The following KIAA1586 variants were observed in gnomAD, a reference collection of about 807,000 sequenced individuals.
KIAA1586 encodes the protein KIAA1586.
Under a neutral mutation model 6.1 loss-of-function variants are expected in KIAA1586, and 5 were observed. The ratio of observed to expected loss-of-function variants is 0.82; its 90% CI spans 0.43 to 1.73. The LOEUF (loss-of-function observed/expected upper bound fraction) is 1.73, where lower values mean the gene tolerates loss of function less well. Ranked by LOEUF, KIAA1586 falls within the 40% of genes most tolerant of loss-of-function variation. KIAA1586 has a pLI of 0.02. For missense variants in KIAA1586, 899 were observed against 878.2 expected (o/e 1.02, Z -0.30); for synonymous variants, 280 against 301.7 (o/e 0.93, Z 0.75).
At position 57,046,697 on chromosome 6, in the gene KIAA1586, G is replaced by A. The variant is rs2127904488; in HGVS notation, c.-59G>A. ...GTGCAGGGCGGGAAGGGGAGTGGTG[G>A]CGGCTGCGGCAGTAGGGACAGCAGG... On this transcript the variant is annotated 5_prime_UTR_variant, in exon 1 of 4. Coordinates refer to ENST00000370733, the MANE Select transcript of KIAA1586 (RefSeq NM_020931.4). 1.9e-6 allele frequency: 3 copies of A among 1,605,506 alleles called. No individual in the cohort carries two copies. The East Asian group carries it at 6.7e-5, about 36-fold the overall frequency.
chr6:57,053,201 A>T lies in KIAA1586; in HGVS notation c.702A>T (p.Leu234Phe). ...KESTNDSICNLVHKQNNKNID... is the reference protein window; with the variant it reads ...KESTNDSICNFVHKQNNKNID... ...CAACTAATGATTCAATTTGTAATTT[A>T]GTGCATAAACAAAATAATAAAAATA... The change falls in exon 4 of 4, where the codon TTA (leucine) becomes TTT (phenylalanine). Residue 234 changes from leucine (L) to phenylalanine (F), a missense_variant. Coordinates refer to ENST00000370733, the MANE Select transcript of KIAA1586 (RefSeq NM_020931.4). 6.2e-7 allele frequency: 1 copy of T among 1,603,196 alleles called. No individual in the cohort carries two copies. Among genetic ancestry groups the T allele is most frequent in the South Asian group, 1.1e-5 (1 of 89,558 alleles).
rs1235080277 is a variant in KIAA1586 at position 57,053,279 on chromosome 6, C to A, written c.780C>A (p.Asn260Lys). The A allele has an allele frequency of 6.2e-7, 1 of 1,608,664 alleles. No homozygotes were observed. Among genetic ancestry groups the A allele is most frequent in the African/African-American group, 1.3e-5 (1 of 74,420 alleles). Residue 260 changes from asparagine (N) to lysine (K), a missense_variant, in exon 4 of 4, where the codon AAC (asparagine) becomes AAA (lysine). Transcript: ENST00000370733. ...CTGTTTACAGTTTAGTAAAACATAA[C>A]AGACCTTTATCTGATATTGAGGGGG... is the stretch of plus-strand genomic sequence containing the variant. ...FNTVYSLVKHNRPLSDIEGAR... is the reference protein window; with the variant it reads ...FNTVYSLVKHKRPLSDIEGAR...
At chr6:57,065,149 T>TTTTCTTAATTTTAA in the KIAA1586 span, among the ~76,000 whole-genome samples, 1 of 152,234 alleles carries the variant, frequency 6.6e-6, no homozygotes, top group Non-Finnish European at 1.5e-5. Context: ...TCTCTTTGCA[T>TTTTCTTAATTTTAA]TTTCTTAATT....
In KIAA1586 at chr6:57,053,069, C is replaced by A; in HGVS notation, c.570C>A (p.Thr190=). The stretch of plus-strand genomic sequence containing the variant: ...AGGAATGGATTGCATATTTAGTAAC[C>A]CCTAATGGCAGTAATAAAACTACTA... ...VSKEWIAYLV[T]PNGSNKTTRQ... Residue 190 remains threonine (T), a synonymous_variant, in exon 4 of 4, where the codon ACC becomes ACA. Coordinates refer to ENST00000370733, the MANE Select transcript of KIAA1586 (RefSeq NM_020931.4). 3 of 1,611,672 alleles carry A rather than the reference C, an allele frequency of 1.9e-6. No homozygotes were observed. Among genetic ancestry groups the A allele is most frequent in the Non-Finnish European group, 2.5e-6 (3 of 1,179,248 alleles).
In KIAA1586 at chr6:57,054,193, A is replaced by G; in HGVS notation, c.1694A>G (p.Glu565Gly). The G allele has an allele frequency of 1.3e-6, 2 of 1,591,694 alleles. No individual in the cohort carries two copies. The change falls in exon 4 of 4, where the codon GAA becomes GGA. Residue 565 changes from glutamate to glycine, a missense_variant. Coordinates refer to ENST00000370733, the MANE Select transcript of KIAA1586 (RefSeq NM_020931.4). Reference protein sequence around the residue: ...KLIKRTIRALENLKIGTGKYE... With the variant: ...KLIKRTIRALGNLKIGTGKYE... ...ATCAAACGTACCATAAGAGCTTTGGAAAATTTAAAAATTGGTACTGGAAAG... is the reference window on the plus strand; with the variant it reads ...ATCAAACGTACCATAAGAGCTTTGGGAAATTTAAAAATTGGTACTGGAAAG...
chr6:57,049,549 G>A (rs1302576472), intron 2 of KIAA1586, among the ~76,000 whole-genome samples: 2 of 152,068 alleles, frequency 1.3e-5, no homozygotes, highest in Admixed American at 6.5e-5. Context: ...CTGAAAGAAA[G>A]GAATGATAAA....
chr6:57,066,298 A>G, the KIAA1586 span, among the ~76,000 whole-genome samples: 1 of 152,174 alleles, frequency 6.6e-6, no homozygotes, highest in African/African-American at 2.4e-5. Context: ...AAAAAATTCA[A>G]ATTTCCAAGA....
chr6:57,048,922 C>G (rs1828252774), intron 2 of KIAA1586, among the ~76,000 whole-genome samples: 1 of 152,090 alleles, frequency 6.6e-6, no homozygotes, highest in African/African-American at 2.4e-5. Flanking sequence ...AGGAATAAAT[C>G]ATTATATTTT....
At position 57,052,826 on chromosome 6, in the gene KIAA1586, G is replaced by A. The variant is rs775993321; in HGVS notation, c.327G>A (p.Glu109=). The A allele has an allele frequency of 3.1e-6, 5 of 1,613,562 alleles. No individual in the cohort carries two copies. The highest frequency in any genetic ancestry group is 3.3e-5 in the Admixed American group (2 of 59,960). Residue 109 remains glutamate (E), a synonymous_variant, in exon 4 of 4, where the codon GAG becomes GAA. Transcript: ENST00000370733. ...RLSKAKEPHF[E]YIEQPIIEEK... is the part of the protein sequence containing the mutation. ...CTAAGGCAAAGGAACCACATTTCGAGTATATTGAACAACCAATCATTGAAG... is the reference window on the plus strand; with the variant it reads ...CTAAGGCAAAGGAACCACATTTCGAATATATTGAACAACCAATCATTGAAG...
intron 3 of KIAA1586, among the ~76,000 whole-genome samples, chr6:57,052,061 T>C (rs1435774422): frequency 6.6e-6 from 1 of 152,224 alleles, no homozygotes; most frequent in Non-Finnish European, 1.5e-5. Context: ...TATATGTCTT[T>C]ATTGTTTCAC....
chr6:57,051,658 G>C lies in KIAA1586; in HGVS notation c.186+804G>C, dbSNP rs558660171. ...TTGCAATATTCCAAAACTCGGCCAG[G>C]CATGGTGGCTCACACCTGTAATCCC... On this transcript the variant is annotated intron_variant, in intron 3 of 3. Coordinates refer to ENST00000370733, the MANE Select transcript of KIAA1586 (RefSeq NM_020931.4). Among the ~76,000 whole-genome samples, 5 of 152,122 alleles carry C rather than the reference G, an allele frequency of 3.3e-5. No homozygotes were observed. In the East Asian group the frequency reaches 7.7e-4, roughly 23 times the overall value.
chr6:57,053,014 C>T lies in KIAA1586; in HGVS notation c.515C>T (p.Ser172Leu), dbSNP rs191763941. The change falls in exon 4 of 4, where the codon TCG becomes TTG. Residue 172 changes from serine to leucine, a missense_variant. Ser to Leu is a moderately radical substitution (Grantham distance 145). Transcript: ENST00000370733. ...KDCSAVRHLG[S>L]KAEKHVHVSK... is the part of the protein sequence containing the mutation. Reference sequence around the variant, plus strand: ...TGTTCAGCAGTTCGGCATTTGGGATCGAAAGCAGAAAAGCATGTCCATGTG... The same window carrying T: ...TGTTCAGCAGTTCGGCATTTGGGATTGAAAGCAGAAAAGCATGTCCATGTG... 28 of 1,613,740 alleles carry T rather than the reference C, an allele frequency of 1.7e-5. No individual in the cohort carries two copies. The highest frequency in any genetic ancestry group is 3.3e-4 in the Middle Eastern group (2 of 6,062).
the KIAA1586 span, among the ~76,000 whole-genome samples, chr6:57,064,119 G>T: frequency 6.6e-6 from 1 of 152,114 alleles, no homozygotes; most frequent in Admixed American, 6.5e-5. Context: ...CATCAAACCC[G>T]AGAATTTCTA....
chr6:57,056,924 T>G (rs555063095), downstream of KIAA1586, among the ~76,000 whole-genome samples: 1 of 152,202 alleles, frequency 6.6e-6, no homozygotes, highest in Non-Finnish European at 1.5e-5. Context: ...AAATAAGATG[T>G]TTTATTAAAA....
chr6:57,058,929 T>C (rs1318210279), downstream of KIAA1586, among the ~76,000 whole-genome samples: 1 of 152,228 alleles, frequency 6.6e-6, no homozygotes, highest in Non-Finnish European at 1.5e-5. Context: ...GCAAATGTTT[T>C]CAAACTTATA....
chr6:57,051,585 G>A (rs1828325639), intron 3 of KIAA1586, among the ~76,000 whole-genome samples: 1 of 151,704 alleles, frequency 6.6e-6, no homozygotes, highest in Non-Finnish European at 1.5e-5. Context: ...AAAGTGTGAT[G>A]TGTCTCTGCT....
Position 57,054,808 on chromosome 6 carries a change from A to T in KIAA1586, c.2309A>T (p.Gln770Leu). 1 of 1,551,090 alleles carries T rather than the reference A, an allele frequency of 6.4e-7. No individual in the cohort carries two copies. The highest frequency in any genetic ancestry group is 8.7e-7 in the Non-Finnish European group (1 of 1,146,592). ...TTGGCTACAGATACAAGAGTTCGGC[A>T]AAAGTCAACAAAAGTCTTCCATGAG... ...HRLATDTRVR[Q>L]KSTKVFHENQ... Residue 770 changes from glutamine (Q) to leucine (L), a missense_variant, in exon 4 of 4, where the codon CAA (glutamine) becomes CTA (leucine). By Grantham distance (113) the Gln-to-Leu change is moderately radical. Transcript: ENST00000370733.
chr6:57,056,785 G>A (rs916229771), downstream of KIAA1586, among the ~76,000 whole-genome samples: 4 of 151,992 alleles, frequency 2.6e-5, no homozygotes, highest in African/African-American at 9.7e-5. Context: ...CAGCCTTCCT[G>A]CCTTGGCCTC....
chr6:57,048,248 AG>A (rs1488878235), intron 2 of KIAA1586, among the ~76,000 whole-genome samples: 7 of 152,310 alleles, frequency 4.6e-5, no homozygotes, highest in African/African-American at 1.4e-4. Flanking sequence ...TGCCGTAGTT[AG>A]TTGCAGTTTG....
Sources: allele counts gnomAD v4.1 joint callset (sites outside exome capture counted in the v4.1 genomes callset), GRCh38; gene constraint gnomAD v4.1.1; transcripts MANE v1.5; gene names NCBI Gene and HGNC (gene_info 2026-07-23, HGNC 2026-07-21).